Variants in KCTD16 observed in about 807,000 individuals in gnomAD.
The protein encoded by KCTD16 is BTB/POZ domain-containing protein KCTD16.
In KCTD16, 13 loss-of-function variants were observed where a neutral mutation model predicts 33.2. The ratio of observed to expected loss-of-function variants is 0.39; its 90% CI spans 0.25 to 0.62. The LOEUF is 0.62. KCTD16 is among the 20% of genes least tolerant of loss of function. The pLI, the probability that KCTD16 is intolerant of heterozygous loss-of-function variation, is 0.50. For synonymous variants in KCTD16, 197 were observed against 195.3 expected, an observed-to-expected ratio of 1.01 and a Z score of -0.07; for missense variants, 441 against 525.1, an observed-to-expected ratio of 0.84 and a Z score of 1.57.
intron 3 of KCTD16, among the ~76,000 whole-genome samples, chr5:144,310,578 T>C (rs1561562603): frequency 7.7e-6 from 1 of 130,132 alleles, no homozygotes; most frequent in East Asian, 2.0e-4. Context: ...ATGTAAAATA[T>C]TATATATTTT....
chr5:144,344,231 C>T (rs1318109647), intron 3 of KCTD16, among the ~76,000 whole-genome samples: 8 of 152,136 alleles, frequency 5.3e-5, no homozygotes, highest in African/African-American at 1.4e-4. Context: ...AAGACTTAAA[C>T]GTTATACCTA....
intron 3 of KCTD16, among the ~76,000 whole-genome samples, chr5:144,279,850 G>T (rs1755550864): frequency 6.6e-6 from 1 of 152,178 alleles, no homozygotes; most frequent in Non-Finnish European, 1.5e-5. Flanking sequence ...AGCAAGATCT[G>T]TTCTATTTCT....
intron 3 of KCTD16, among the ~76,000 whole-genome samples, chr5:144,324,851 C>T (rs1477081233): frequency 6.6e-6 from 1 of 152,216 alleles, no homozygotes; most frequent in East Asian, 1.9e-4. Context: ...TGCATGTTCT[C>T]ATTTATTAAG....
At chr5:144,246,979 G>T (rs1283532980) in intron 3 of KCTD16, among the ~76,000 whole-genome samples, 1 of 152,202 alleles carries the variant, frequency 6.6e-6, no homozygotes, top group East Asian at 1.9e-4. Context: ...GCCTTTTGCA[G>T]TTCATGTTCC....
chr5:144,176,912 A>G (rs1237704084), intron 2 of KCTD16, among the ~76,000 whole-genome samples: 2 of 152,172 alleles, frequency 1.3e-5, no homozygotes, highest in Admixed American at 1.3e-4. Flanking sequence ...TAAGTTCCTT[A>G]TAGATTCTGG....
chr5:144,227,689 A>G (rs1268636234), intron 3 of KCTD16, among the ~76,000 whole-genome samples: 1 of 152,202 alleles, frequency 6.6e-6, no homozygotes, highest in Non-Finnish European at 1.5e-5. Context: ...GAAGTGTGGC[A>G]ATCAATTAGA....
intron 2 of KCTD16, among the ~76,000 whole-genome samples, chr5:144,193,331 A>G (rs758549340): frequency 1.6e-4 from 24 of 152,170 alleles, no homozygotes; most frequent in Admixed American, 7.2e-4. Context: ...ACCCTTGCTC[A>G]TTGGGATCCA....
intron 3 of KCTD16, among the ~76,000 whole-genome samples, chr5:144,390,535 T>TA (rs1401681104): frequency 3.4e-4 from 51 of 151,708 alleles, no homozygotes; most frequent in South Asian, 8.4e-4. Context: ...AATTTTTTTT[T>TA]TTATTATTAT....
chr5:144,387,322 C>T (rs576428045), intron 3 of KCTD16, among the ~76,000 whole-genome samples: 2 of 152,016 alleles, frequency 1.3e-5, no homozygotes, highest in Admixed American at 6.6e-5. Flanking sequence ...CTCACAACCT[C>T]ATGGTGGTGG....
At chr5:144,433,561 G>A (rs533342879) in intron 3 of KCTD16, among the ~76,000 whole-genome samples, 1 of 152,180 alleles carries the variant, frequency 6.6e-6, no homozygotes, top group South Asian at 2.1e-4. Context: ...ATGCAGGCAG[G>A]CCAAATGAAG....
intron 3 of KCTD16, among the ~76,000 whole-genome samples, chr5:144,304,977 C>CTTTTTTT (rs146638360): frequency 4.8e-5 from 4 of 83,414 alleles, no homozygotes; most frequent in Admixed American, 1.3e-4. Context: ...ATATCAAAAT[C>CTTTTTTT]TTTTTTTTTT....
At chr5:144,468,533 A>G (rs1754399165) in intron 3 of KCTD16, among the ~76,000 whole-genome samples, 2 of 152,230 alleles carry the variant, frequency 1.3e-5, no homozygotes, top group African/African-American at 4.8e-5. Context: ...AAGCTTGAAG[A>G]CAAACTTTTT....
At chr5:144,354,567 C>T (rs890276530) in intron 3 of KCTD16, among the ~76,000 whole-genome samples, 1 of 152,138 alleles carries the variant, frequency 6.6e-6, no homozygotes, top group African/African-American at 2.4e-5. Context: ...AAGAAACACA[C>T]ATGGAAACAA....
At chr5:144,309,488 G>T (rs1751702211) in intron 3 of KCTD16, among the ~76,000 whole-genome samples, 2 of 151,952 alleles carry the variant, frequency 1.3e-5, no homozygotes, top group East Asian at 3.9e-4. Context: ...AGTCTTCATT[G>T]GTTGTTAATA....
rs768216066 is a variant in KCTD16, at chr5:144,206,769, G to A, written c.55G>A (p.Val19Ile). ...RYYPREQGSAVPNSFPEVVEL... is the reference protein window; with the variant it reads ...RYYPREQGSAIPNSFPEVVEL... Reference sequence around the variant, plus strand: ...TTATCCTCGAGAACAAGGGTCCGCAGTTCCCAACTCCTTCCCTGAGGTGGT... The same window carrying A: ...TTATCCTCGAGAACAAGGGTCCGCAATTCCCAACTCCTTCCCTGAGGTGGT... Residue 19 changes from valine to isoleucine, a missense_variant, in exon 3 of 4, where the codon GTT becomes ATT. By Grantham distance (29) the Val-to-Ile change is conservative. This residue lies in a region of KCTD16 where 80 missense variants were observed against 88.5 expected (regional missense o/e 0.90). Coordinates refer to ENST00000512467, the MANE Select transcript of KCTD16 (RefSeq NM_020768.4). The A allele has an allele frequency of 4.3e-6, 7 of 1,614,170 alleles. No individual in the cohort carries two copies. Among genetic ancestry groups the A allele is most frequent in the Non-Finnish European group, 5.9e-6 (7 of 1,180,030 alleles).
In KCTD16 at chr5:144,483,120, T is replaced by C. The variant is rs1754737652; in HGVS notation, c.*9006T>C. ...TTTGTTGGAATTTCAAACTACATGTTTTCACACTTCTTCATTCCAAAAAAA... is the reference window on the plus strand; with the variant it reads ...TTTGTTGGAATTTCAAACTACATGTCTTCACACTTCTTCATTCCAAAAAAA... On this transcript the variant is annotated 3_prime_UTR_variant, in exon 4 of 4. Transcript: ENST00000512467. The C allele has an allele frequency of 6.7e-6, 1 of 149,748 alleles. No homozygotes were observed. Among genetic ancestry groups the C allele is most frequent in the African/African-American group, 2.4e-5 (1 of 40,864 alleles). The allele number at this position is 149,748 out of a possible 1,614,324, so 9.3% of individuals were successfully genotyped here. A position where few individuals can be genotyped will look rare whatever the true frequency, so the allele number is the denominator to read the frequency against.
At chr5:144,297,514 A>T (rs1025412171) in intron 3 of KCTD16, among the ~76,000 whole-genome samples, 2 of 152,196 alleles carry the variant, frequency 1.3e-5, no homozygotes, top group African/African-American at 4.8e-5. Context: ...TTGCAGAAGA[A>T]TTGTACTTCA....
intron 3 of KCTD16, among the ~76,000 whole-genome samples, chr5:144,233,203 T>C (rs1754156054): frequency 6.6e-6 from 1 of 152,000 alleles, no homozygotes. Context: ...ACATCAACTG[T>C]TAAATAAAAA....
At chr5:144,466,470 AG>A (rs1220688254) in intron 3 of KCTD16, among the ~76,000 whole-genome samples, 2 of 152,110 alleles carry the variant, frequency 1.3e-5, no homozygotes, top group African/African-American at 2.4e-5. Context: ...AAAAGACCTC[AG>A]AAAGCCTGGA....
Sources: allele counts gnomAD v4.1 joint callset (sites outside exome capture counted in the v4.1 genomes callset), GRCh38; gene constraint gnomAD v4.1.1; regional missense constraint gnomAD v4.1.1; transcripts MANE v1.5; gene names NCBI Gene and HGNC (gene_info 2026-07-23, HGNC 2026-07-21).